Variants in ST3GAL3 observed in about 807,000 individuals in gnomAD.
ST3GAL3 encodes the protein ST3 beta-galactoside alpha-2,3-sialyltransferase 3, also known as CMP-N-acetylneuraminate-beta-1,4-galactoside alpha-2,3-sialyltransferase.
ST3GAL3 carries 21 observed loss-of-function variants against 50.1 expected under a neutral mutation model. That is an observed-to-expected ratio of 0.42 (90% CI 0.30 to 0.60). The LOEUF is 0.60. Ranked by LOEUF, ST3GAL3 falls within the 20% of genes least tolerant of loss-of-function variation. ST3GAL3 has a pLI of 0.19. For missense variants in ST3GAL3, 353 were observed against 489.4 expected, an observed-to-expected ratio of 0.72 and a Z score of 2.63; for synonymous variants, 183 against 190.0, an observed-to-expected ratio of 0.96 and a Z score of 0.30.
chr1:43,879,691 G>C (rs2074761961), intron 5 of ST3GAL3, among the ~76,000 whole-genome samples: 1 of 152,074 alleles, frequency 6.6e-6, no homozygotes, highest in Non-Finnish European at 1.5e-5. Flanking sequence ...TGGGAATATG[G>C]GACTAAAAGA....
intron 5 of ST3GAL3, chr1:43,838,857 G>C (rs1306211510): frequency 5.9e-6 from 1 of 170,638 alleles, no homozygotes; most frequent in Non-Finnish European, 1.3e-5. Flanking sequence ...GCTGCTAAGG[G>C]GTCTTGCTTA....
Position 43,792,200 on chromosome 1 carries a change from A to AT in ST3GAL3, c.166+57dup, listed in dbSNP as rs1398279811. The AT allele has an allele frequency of 6.2e-6, 10 of 1,610,314 alleles. No individual in the cohort carries two copies. The Admixed American group carries it at 8.3e-5, about 13-fold the overall frequency. On this transcript the variant is annotated intron_variant, in intron 3 of 11. Coordinates refer to ENST00000347631, the MANE Select transcript of ST3GAL3 (RefSeq NM_006279.5). ...CTTTTTGGCCTTCAATATTAGCCAT[A>AT]TTTTTTGTGAAGCCTAATCAAGTAT...
At chr1:43,763,051 C>G in intron 2 of ST3GAL3, among the ~76,000 whole-genome samples, 1 of 152,220 alleles carries the variant, frequency 6.6e-6, no homozygotes, top group East Asian at 1.9e-4. Flanking sequence ...TTCTTGCACA[C>G]TTGCAAAATG....
In ST3GAL3 at chr1:43,924,026, A is replaced by C. The variant is rs541985324; in HGVS notation, c.1038+3098A>C. Among the ~76,000 whole-genome samples, 285 of 152,278 alleles carry C rather than the reference A, an allele frequency of 1.9e-3. 1 individual carries two copies. Among genetic ancestry groups the C allele is most frequent in the African/African-American group, 6.6e-3 (274 of 41,554 alleles). ...TCCATTACATTGGGGGTTAGGTTTC[A>C]GTATATGAATTCATGGGGAGGACAT... On this transcript the variant is annotated intron_variant, in intron 11 of 11. Transcript: ENST00000347631.
chr1:43,854,196 A>G (rs1284458438), intron 5 of ST3GAL3, among the ~76,000 whole-genome samples: 1 of 152,034 alleles, frequency 6.6e-6, no homozygotes, highest in Non-Finnish European at 1.5e-5. Context: ...GCACCCCCAT[A>G]CCCCTACCAG....
intron 2 of ST3GAL3, among the ~76,000 whole-genome samples, chr1:43,746,587 C>G (rs191536721): frequency 6.6e-6 from 1 of 151,484 alleles, no homozygotes; most frequent in Non-Finnish European, 1.5e-5. Flanking sequence ...CTCAGCCTCC[C>G]GAGTAGCTGA....
At position 43,930,465 on chromosome 1, in the gene ST3GAL3, C is replaced by A; in HGVS notation, c.*244C>A. 1.7e-6 allele frequency: 1 copy of A among 588,358 alleles called. No homozygotes were observed. Among genetic ancestry groups the A allele is most frequent in the Non-Finnish European group, 3.0e-6 (1 of 328,410 alleles). The allele number at this position is 588,358 out of a possible 1,614,324, so 36.4% of individuals were successfully genotyped here. ...CAGGCTCCTGGCTGTGCCCAGCAGG[C>A]CCAGCATGCAGGTGGTGGGACACTG... On this transcript the variant is annotated 3_prime_UTR_variant, in exon 12 of 12. Coordinates refer to ENST00000347631, the MANE Select transcript of ST3GAL3 (RefSeq NM_006279.5).
Position 43,894,223 on chromosome 1 carries a change from C to T in ST3GAL3, c.303-160C>T, listed in dbSNP as rs2077041589. 1.1e-5 allele frequency: 8 copies of T among 731,098 alleles called. 1 individual carries two copies. In the South Asian group the frequency reaches 1.2e-4, roughly 11 times the overall value. The allele number at this position is 731,098 out of a possible 1,614,324, so 45.3% of individuals were successfully genotyped here. Reference sequence around the variant, plus strand: ...TCCACTGAACAAGATCTGTCAAACCCCTCGACAGCTACCCAGTGAACAGGC... The same window carrying T: ...TCCACTGAACAAGATCTGTCAAACCTCTCGACAGCTACCCAGTGAACAGGC... On this transcript the variant is annotated intron_variant, in intron 5 of 11. Coordinates refer to ENST00000347631, the MANE Select transcript of ST3GAL3 (RefSeq NM_006279.5).
At chr1:43,786,749 CGTA>C (rs1290333448) in intron 2 of ST3GAL3, among the ~76,000 whole-genome samples, 3 of 152,154 alleles carry the variant, frequency 2.0e-5, no homozygotes, top group African/African-American at 7.2e-5. Context: ...CCTAGTGTGT[CGTA>C]GTTTCTCAGT....
intron 5 of ST3GAL3, among the ~76,000 whole-genome samples, chr1:43,864,626 G>A (rs1200329342): frequency 6.6e-6 from 1 of 152,200 alleles, no homozygotes; most frequent in African/African-American, 2.4e-5. Flanking sequence ...GGGAAGGACA[G>A]CATCAGATTT....
At chr1:43,841,435 G>T (rs921496646) in intron 5 of ST3GAL3, 3 of 152,186 alleles carry the variant, frequency 2.0e-5, no homozygotes, top group Admixed American at 2.0e-4. Context: ...CTCCATTCTT[G>T]CACTCTGTGC....
intron 3 of ST3GAL3, among the ~76,000 whole-genome samples, chr1:43,803,628 T>G (rs1236852938): frequency 6.6e-6 from 1 of 152,242 alleles, no homozygotes; most frequent in African/African-American, 2.4e-5. Flanking sequence ...TCCTTTTGTT[T>G]ATGTCCAGTT....
chr1:43,727,733 C>T (rs1194323805), intron 1 of ST3GAL3, among the ~76,000 whole-genome samples: 1 of 152,168 alleles, frequency 6.6e-6, no homozygotes, highest in Non-Finnish European at 1.5e-5. Flanking sequence ...TGTCTTTAGC[C>T]TCATCCCTTC....
At chr1:43,711,321 T>C (rs1664660353) in intron 1 of ST3GAL3, among the ~76,000 whole-genome samples, 1 of 152,254 alleles carries the variant, frequency 6.6e-6, no homozygotes, top group African/African-American at 2.4e-5. Context: ...AATGAAAAGA[T>C]AGTGGTCAAG....
In ST3GAL3 at chr1:43,905,579, C is replaced by T. The variant is rs574452636; in HGVS notation, c.744+5852C>T. Among the ~76,000 whole-genome samples, 21 of 66,912 alleles carry T rather than the reference C, an allele frequency of 3.1e-4. 1 individual carries two copies. The highest frequency in any genetic ancestry group is 1.0e-3 in the African/African-American group (19 of 18,216). 43.9% of individuals were successfully genotyped at this position (66,912 alleles called of 152,430 possible). On this transcript the variant is annotated intron_variant, in intron 9 of 11. Coordinates refer to ENST00000347631, the MANE Select transcript of ST3GAL3 (RefSeq NM_006279.5). ...ATTCCTGCCACTGTTTCTCCCCCTC[C>T]TCCTGCTTCTCTTCCCGCCACTGTT... is the stretch of plus-strand genomic sequence containing the variant.
intron 1 of ST3GAL3, among the ~76,000 whole-genome samples, chr1:43,710,094 A>T (rs1037467207): frequency 1.1e-4 from 16 of 150,540 alleles, no homozygotes; most frequent in Non-Finnish European, 1.5e-5. Context: ...ATCTGCTTCT[A>T]TTTTTGAGTC....
rs183560784 is a variant in ST3GAL3 at position 43,743,145 on chromosome 1, A to T, written c.118+6765A>T. 2.3e-3 allele frequency among the ~76,000 whole-genome samples: 348 copies of T among 151,778 alleles called. 8 individuals carry two copies. Among genetic ancestry groups the T allele is most frequent in the Admixed American group, 0.022 (329 of 15,202 alleles). ...AAAAAATAACATTTTATTTTTTGAA[A>T]ATTAATTTCCCATACTTACTCATCT... is the stretch of plus-strand genomic sequence containing the variant. On this transcript the variant is annotated intron_variant, in intron 2 of 11. Coordinates refer to ENST00000347631, the MANE Select transcript of ST3GAL3 (RefSeq NM_006279.5).
At position 43,872,736 on chromosome 1, in the gene ST3GAL3, A is replaced by G. The variant is rs531717303; in HGVS notation, c.303-21647A>G. Among the ~76,000 whole-genome samples the G allele has an allele frequency of 2.6e-5, 4 of 152,318 alleles. No individual in the cohort carries two copies. In the South Asian group the frequency reaches 8.3e-4, roughly 32 times the overall value. ...GCTCATATTCTAGTGGGAAGCAGGC[A>G]AAGAAACGATATAGAAATAAGGTGT... On this transcript the variant is annotated intron_variant, in intron 5 of 11. Transcript: ENST00000347631.
At chr1:43,812,540 C>G (rs932377800) in intron 3 of ST3GAL3, among the ~76,000 whole-genome samples, 4 of 152,264 alleles carry the variant, frequency 2.6e-5, no homozygotes, top group African/African-American at 4.8e-5. Context: ...CAGCTCACTG[C>G]AGCCTCGATC....
Sources: gnomAD v4.1 joint callset for allele counts (sites outside exome capture counted in the v4.1 genomes callset) on GRCh38, gnomAD v4.1.1 for gene constraint, MANE v1.5 for transcripts, NCBI Gene and HGNC (gene_info 2026-07-23, HGNC 2026-07-21) for gene names.